The following OBI1 variants were observed in gnomAD, a reference collection of about 807,000 sequenced individuals.
OBI1 encodes the protein ring finger protein 219.
Under a neutral mutation model 62.4 loss-of-function variants are expected in OBI1, and 59 were observed. The ratio of observed to expected loss-of-function variants is 0.95; its 90% CI spans 0.77 to 1.17. OBI1 has a LOEUF of 1.17. Among genes scored for constraint, OBI1 ranks in the 50% most tolerant of loss-of-function variants. OBI1 has a pLI of 0.00. For synonymous variants in OBI1, 302 were observed against 292.8 expected, an observed-to-expected ratio of 1.03 and a Z score of -0.32; for missense variants, 875 against 830.9, an observed-to-expected ratio of 1.05 and a Z score of -0.65.
In OBI1 at chr13:78,639,645, T is replaced by G. The variant is rs1173248127; in HGVS notation, c.301-574A>C. On this transcript the variant is annotated intron_variant, in intron 3 of 5. Transcript: ENST00000282003. Reference sequence around the variant, plus strand: ...AAGAAAATGTGGCACATATACACCATGGAATACTATGCAGCCATAAAAAAT... The same window carrying G: ...AAGAAAATGTGGCACATATACACCAGGGAATACTATGCAGCCATAAAAAAT... Among the ~76,000 whole-genome samples the G allele has an allele frequency of 4.1e-5, 6 of 146,846 alleles. No homozygotes were observed. In the East Asian group the frequency reaches 1.2e-3, roughly 29 times the overall value.
intron 2 of OBI1, among the ~76,000 whole-genome samples, chr13:78,643,719 C>G (rs966818586): frequency 6.6e-6 from 1 of 151,818 alleles, no homozygotes; most frequent in Admixed American, 6.6e-5. Context: ...ACCCAGGAGG[C>G]AGAGGTTGCG....
At chr13:78,649,620 G>T (rs554976682) in intron 1 of OBI1, among the ~76,000 whole-genome samples, 1 of 152,264 alleles carries the variant, frequency 6.6e-6, no homozygotes, top group African/African-American at 2.4e-5. Flanking sequence ...ATGAGACGAC[G>T]GTTAGGAATA....
chr13:78,628,402 C>T (rs572065151), intron 5 of OBI1, among the ~76,000 whole-genome samples: 1 of 152,180 alleles, frequency 6.6e-6, no homozygotes, highest in Non-Finnish European at 1.5e-5. Flanking sequence ...GTAGAAGGTG[C>T]TGAGTGAAAG....
intron 1 of OBI1, among the ~76,000 whole-genome samples, chr13:78,658,418 G>C (rs1169776792): frequency 6.6e-6 from 1 of 152,276 alleles, no homozygotes; most frequent in East Asian, 1.9e-4. Context: ...CACAAAGAGA[G>C]AGTATTCTAT....
At position 78,642,105 on chromosome 13, in the gene OBI1, C is replaced by T; in HGVS notation, c.300+17G>A. The T allele has an allele frequency of 6.8e-7, 1 of 1,480,280 alleles. No individual in the cohort carries two copies. Among genetic ancestry groups the T allele is most frequent in the African/African-American group, 1.4e-5 (1 of 72,248 alleles). 91.7% of individuals were successfully genotyped at this position (1,480,280 alleles called of 1,614,324 possible). A position where few individuals can be genotyped will look rare whatever the true frequency, so the allele number is the denominator to read the frequency against. On this transcript the variant is annotated intron_variant, in intron 3 of 5. Coordinates refer to ENST00000282003, the MANE Select transcript of OBI1 (RefSeq NM_024546.4). ...AATTCACTGCTAACATAATTTTAAA[C>T]TTTGATTACTGTTTACCTCATATTC...
intron 5 of OBI1, among the ~76,000 whole-genome samples, chr13:78,629,825 T>C (rs918479523): frequency 6.6e-6 from 1 of 152,110 alleles, no homozygotes; most frequent in Admixed American, 6.5e-5. Flanking sequence ...GTGGTGGATG[T>C]AGTGGAGTCA....
chr13:78,643,093 A>G (rs573371244), intron 2 of OBI1, among the ~76,000 whole-genome samples: 1 of 152,318 alleles, frequency 6.6e-6, no homozygotes, highest in South Asian at 2.1e-4. Flanking sequence ...TAGCATTATA[A>G]TAATAGCAAA....
chr13:78,645,051 C>G (rs757450860), intron 1 of OBI1, 54 bp from the exon 2 acceptor site: 3 of 1,533,280 alleles, frequency 2.0e-6, no homozygotes, highest in Non-Finnish European at 2.6e-6. Context: ...ATTAGAAGAT[C>G]AAATGGTTTA....
chr13:78,639,177 T>C, intron 3 of OBI1, 106 bp from the exon 4 acceptor site: 2 of 1,101,012 alleles, frequency 1.8e-6, no homozygotes, highest in Non-Finnish European at 1.3e-6. Context: ...TAAAATTCTG[T>C]AGATACATAG....
intron 5 of OBI1, among the ~76,000 whole-genome samples, chr13:78,632,514 T>C (rs1438121231): frequency 2.0e-5 from 3 of 152,294 alleles, no homozygotes; most frequent in Middle Eastern, 3.4e-3. Context: ...AGGCCAAGTG[T>C]ATAAAAAAGT....
At chr13:78,657,469 T>G (rs554502874) in intron 1 of OBI1, among the ~76,000 whole-genome samples, 129 of 152,252 alleles carry the variant, frequency 8.5e-4, no homozygotes, top group African/African-American at 3.1e-3. Context: ...AGCTTTAATA[T>G]TCTTATTTTA....
At chr13:78,659,001 C>T (rs560210365) in intron 1 of OBI1, 48 bp downstream of exon 1, 164 of 1,555,622 alleles carry the variant, frequency 1.1e-4, no homozygotes, top group Non-Finnish European at 1.4e-4. Context: ...CCCCGGCGAG[C>T]GACTTATCCA....
intron 5 of OBI1, among the ~76,000 whole-genome samples, chr13:78,622,265 A>G (rs2137431256): frequency 6.6e-6 from 1 of 152,084 alleles, no homozygotes; most frequent in South Asian, 2.1e-4. Context: ...CGACATAATG[A>G]GATCATGTCT....
intron 5 of OBI1, among the ~76,000 whole-genome samples, chr13:78,618,795 G>T (rs1420887937): frequency 6.6e-6 from 1 of 152,092 alleles, no homozygotes. Context: ...TACTGTATTT[G>T]GTTAAATGAA....
At chr13:78,617,269 T>A (rs892827967) in intron 5 of OBI1, 147 bp from the exon 6 acceptor site, 3 of 531,154 alleles carry the variant, frequency 5.6e-6, no homozygotes, top group African/African-American at 1.9e-5. Context: ...GCCAGATGTA[T>A]ATTTTCAAAA....
rs1316682585 is a variant in OBI1, at chr13:78,616,362, A to C, written c.1399T>G (p.Trp467Gly). 1.9e-6 allele frequency: 3 copies of C among 1,613,770 alleles called. No homozygotes were observed. Among genetic ancestry groups the C allele is most frequent in the Admixed American group, 1.7e-5 (1 of 59,996 alleles). Residue 467 changes from tryptophan (W) to glycine (G), a missense_variant, in exon 6 of 6, where the codon TGG (tryptophan) becomes GGG (glycine). By Grantham distance (184) the Trp-to-Gly change is radical (BLOSUM62 -2). Coordinates refer to ENST00000282003, the MANE Select transcript of OBI1 (RefSeq NM_024546.4). Reference protein sequence around the residue: ...ECFSSPKTGFWDCCSTSYAQN... With the variant: ...ECFSSPKTGFGDCCSTSYAQN... ...GCATAGCTTGTGGAACAACAGTCCC[A>C]AAATCCTGTCTTTGGGGAAGAAAAA... is the stretch of plus-strand genomic sequence containing the variant.
intron 1 of OBI1, among the ~76,000 whole-genome samples, chr13:78,655,340 CAAACA>C (rs1171803324): frequency 2.6e-4 from 8 of 30,906 alleles, no homozygotes; most frequent in African/African-American, 3.6e-4. Flanking sequence ...AAGAAACAAA[CAAACA>C]AAAAAAAAAC....
At chr13:78,620,808 A>G in intron 5 of OBI1, 1 of 351,202 alleles carries the variant, frequency 2.8e-6, no homozygotes, top group East Asian at 8.0e-5. Context: ...ACACAGAAAA[A>G]CAGGACGTGT....
At chr13:78,655,235 G>A (rs1232606271) in intron 1 of OBI1, among the ~76,000 whole-genome samples, 1 of 152,086 alleles carries the variant, frequency 6.6e-6, no homozygotes, top group East Asian at 1.9e-4. Context: ...GAGGTAAACT[G>A]GTTTGTAACA....
Sources: allele counts gnomAD v4.1 joint callset (sites outside exome capture counted in the v4.1 genomes callset), GRCh38; gene constraint gnomAD v4.1.1; transcripts MANE v1.5; gene names NCBI Gene and HGNC (gene_info 2026-07-23, HGNC 2026-07-21).